Variants in GALNT17 observed in about 807,000 individuals in gnomAD.
The protein encoded by GALNT17 is UDP-GalNAc:polypeptide N-acetylgalactosaminyltransferase-like 3.
In GALNT17, 29 loss-of-function variants were observed where a neutral mutation model predicts 63.7. That is an observed-to-expected ratio of 0.46 (90% CI 0.34 to 0.62). The LOEUF (loss-of-function observed/expected upper bound fraction) is 0.62, where lower values mean the gene tolerates loss of function less well. Ranked by LOEUF, GALNT17 falls within the 20% of genes least tolerant of loss-of-function variation. GALNT17 has a pLI of 0.01. For missense variants in GALNT17, 603 were observed against 799.6 expected (o/e 0.75, Z 2.97); for synonymous variants, 305 against 318.3 (o/e 0.96, Z 0.45).
intron 9 of GALNT17, among the ~76,000 whole-genome samples, chr7:71,698,240 G>A (rs1276392715): frequency 6.6e-6 from 1 of 152,024 alleles, no homozygotes; most frequent in Admixed American, 6.5e-5. Context: ...CAGTGTGTCT[G>A]TCCTATGACA....
intron 5 of GALNT17, among the ~76,000 whole-genome samples, chr7:71,449,652 T>C (rs530902848): frequency 7.9e-5 from 12 of 152,350 alleles, no homozygotes; most frequent in Non-Finnish European, 1.3e-4. Flanking sequence ...TGAGTTTTTC[T>C]TGGCGACACA....
chr7:71,491,571 C>T (rs903879584), intron 5 of GALNT17, among the ~76,000 whole-genome samples: 1 of 152,278 alleles, frequency 6.6e-6, no homozygotes, highest in African/African-American at 2.4e-5. Flanking sequence ...CCATATCAGC[C>T]CGGATAGGTT....
At chr7:71,606,221 T>C (rs370557523) in intron 6 of GALNT17, among the ~76,000 whole-genome samples, 17 of 151,408 alleles carry the variant, frequency 1.1e-4, no homozygotes, top group African/African-American at 4.1e-4. Flanking sequence ...TCCTGAAGTG[T>C]TGGGATTACA....
chr7:71,579,356 C>G (rs1789590520), intron 6 of GALNT17, among the ~76,000 whole-genome samples: 1 of 152,196 alleles, frequency 6.6e-6, no homozygotes, highest in Non-Finnish European at 1.5e-5. Flanking sequence ...GCAGGCATTT[C>G]CACTGGAGCT....
intron 1 of GALNT17, among the ~76,000 whole-genome samples, chr7:71,269,838 G>A (rs527308287): frequency 1.3e-5 from 2 of 152,258 alleles, no homozygotes; most frequent in African/African-American, 4.8e-5. Context: ...GATGGAAGAC[G>A]GATGGAGCCC....
At chr7:71,471,418 A>C (rs1426610340) in intron 5 of GALNT17, among the ~76,000 whole-genome samples, 79 of 149,552 alleles carry the variant, frequency 5.3e-4, no homozygotes, top group African/African-American at 1.6e-3. Flanking sequence ...AAAAAAACAA[A>C]AAAAACCAAA....
intron 1 of GALNT17, among the ~76,000 whole-genome samples, chr7:71,275,645 C>T (rs759574700): frequency 1.3e-5 from 2 of 152,168 alleles, no homozygotes; most frequent in Non-Finnish European, 2.9e-5. Flanking sequence ...ACACAAATAG[C>T]TAGAAAGCGT....
intron 6 of GALNT17, among the ~76,000 whole-genome samples, chr7:71,585,625 A>G (rs1056193582): frequency 6.6e-6 from 1 of 152,002 alleles, no homozygotes; most frequent in Admixed American, 6.6e-5. Flanking sequence ...ATATGGACTC[A>G]AGGGTTTTTT....
chr7:71,231,739 G>GGAGGGA (rs1463491939), intron 1 of GALNT17, among the ~76,000 whole-genome samples: 11 of 148,808 alleles, frequency 7.4e-5, no homozygotes, highest in Admixed American at 2.0e-4. Flanking sequence ...AGAGAGAGAG[G>GGAGGGA]GAGGGAGAGG....
chr7:71,569,265 C>T (rs777482706), intron 5 of GALNT17, among the ~76,000 whole-genome samples: 10 of 152,146 alleles, frequency 6.6e-5, no homozygotes, highest in African/African-American at 1.2e-4. Context: ...TCATCGTGCC[C>T]GGCTCTAACA....
intron 2 of GALNT17, among the ~76,000 whole-genome samples, chr7:71,364,938 A>T (rs2707423): frequency 7.3e-5 from 11 of 150,900 alleles, no homozygotes; most frequent in East Asian, 3.9e-4. Context: ...TTTTTTTATT[A>T]TTTTTATTTT....
chr7:71,162,167 T>TCCTTCCTA (rs1788361647), intron 1 of GALNT17, among the ~76,000 whole-genome samples: 1 of 143,034 alleles, frequency 7.0e-6, no homozygotes, highest in Admixed American at 7.0e-5. Flanking sequence ...CTTCCTTCCT[T>TCCTTCCTA]CCTGTTGCTA....
intron 6 of GALNT17, among the ~76,000 whole-genome samples, chr7:71,621,493 T>A (rs13222604): frequency 7.8e-5 from 5 of 63,734 alleles, no homozygotes; most frequent in Admixed American, 4.4e-4. Context: ...ATGGATGGAT[T>A]GATGGATAGA....
At chr7:71,496,135 A>G (rs1296392979) in intron 5 of GALNT17, among the ~76,000 whole-genome samples, 1 of 152,102 alleles carries the variant, frequency 6.6e-6, no homozygotes, top group Non-Finnish European at 1.5e-5. Flanking sequence ...GAACAGCCCC[A>G]ATGTACTATT....
chr7:71,351,474 G>C (rs1014152401), intron 2 of GALNT17, among the ~76,000 whole-genome samples: 3 of 151,986 alleles, frequency 2.0e-5, no homozygotes, highest in African/African-American at 7.3e-5. Context: ...TAGTTAAAGT[G>C]AGGCATACTT....
At chr7:71,550,683 C>T (rs1473298385) in intron 5 of GALNT17, among the ~76,000 whole-genome samples, 2 of 152,294 alleles carry the variant, frequency 1.3e-5, no homozygotes, top group Middle Eastern at 3.4e-3. Flanking sequence ...CATGCCCAGC[C>T]TTCATTCAGT....
At chr7:71,463,922 C>T (rs1787493567) in intron 5 of GALNT17, among the ~76,000 whole-genome samples, 1 of 152,164 alleles carries the variant, frequency 6.6e-6, no homozygotes, top group South Asian at 2.1e-4. Flanking sequence ...TCTTTGTGAC[C>T]TGTATCTTGT....
Position 71,416,193 on chromosome 7 carries a change from A to G in GALNT17, c.764+130A>G, listed in dbSNP as rs899719484. ...TGGGAGACTAGAGAGAGACTCGTCAAAGAAGAAAGTGAGACCATTGTCTGG... is the reference window on the plus strand; with the variant it reads ...TGGGAGACTAGAGAGAGACTCGTCAGAGAAGAAAGTGAGACCATTGTCTGG... On this transcript the variant is annotated intron_variant, in intron 4 of 10. Coordinates refer to ENST00000333538, the MANE Select transcript of GALNT17 (RefSeq NM_022479.3). The G allele has an allele frequency of 4.5e-6, 5 of 1,122,202 alleles. No homozygotes were observed. In the African/African-American group the frequency reaches 4.7e-5, roughly 11 times the overall value. The allele number at this position is 1,122,202 out of a possible 1,614,324, so 69.5% of individuals were successfully genotyped here. A position where few individuals can be genotyped will look rare whatever the true frequency, so the allele number is the denominator to read the frequency against.
At chr7:71,187,745 T>A (rs1468461059) in intron 1 of GALNT17, among the ~76,000 whole-genome samples, 7 of 151,990 alleles carry the variant, frequency 4.6e-5, no homozygotes, top group South Asian at 2.1e-4. Flanking sequence ...TAGAAAAAAA[T>A]TTTTTATTTC....
Sources: gnomAD v4.1 joint callset for allele counts (sites outside exome capture counted in the v4.1 genomes callset) on GRCh38, gnomAD v4.1.1 for gene constraint, MANE v1.5 for transcripts, NCBI Gene and HGNC (gene_info 2026-07-23, HGNC 2026-07-21) for gene names.